The following NKAIN2 variants were observed in gnomAD, a reference collection of about 807,000 sequenced individuals.
NKAIN2 encodes the protein sodium/potassium transporting ATPase interacting 2, also known as sodium/potassium-transporting ATPase subunit beta-1-interacting protein 2.
NKAIN2 carries 14 observed loss-of-function variants against 32.6 expected under a neutral mutation model. The ratio of observed to expected loss-of-function variants is 0.43; its 90% CI spans 0.28 to 0.67. The LOEUF is 0.67. NKAIN2 is among the 30% of genes least tolerant of loss of function. The probability of loss-of-function intolerance (pLI) is 0.17; values close to 1 mark genes in which losing one functional copy is unlikely to be tolerated. For synonymous variants in NKAIN2, 80 were observed against 87.2 expected (o/e 0.92, Z 0.46); for missense variants, 198 against 258.3 (o/e 0.77, Z 1.60).
chr6:124,523,933 TC>T (rs1339694225), intron 3 of NKAIN2, among the ~76,000 whole-genome samples: 1 of 152,222 alleles, frequency 6.6e-6, no homozygotes, highest in African/African-American at 2.4e-5. Flanking sequence ...GATTAGTTTC[TC>T]AGCTTCAGAA....
intron 1 of NKAIN2, among the ~76,000 whole-genome samples, chr6:124,079,664 C>T (rs1783860561): frequency 6.6e-6 from 1 of 152,078 alleles, no homozygotes; most frequent in African/African-American, 2.4e-5. Context: ...AGCTATCCTC[C>T]TTTTTTCCTC....
At chr6:124,379,221 G>GGGAGGAGGGGAGGGGGGGA (rs1562141747) in intron 3 of NKAIN2, among the ~76,000 whole-genome samples, 1 of 2,306 alleles carries the variant, frequency 4.3e-4, no homozygotes, top group Non-Finnish European at 9.3e-4. Flanking sequence ...GGGAAAGGAG[G>GGGAGGAGGGGAGGGGGGGA]GAAGAGGGGA....
intron 1 of NKAIN2, among the ~76,000 whole-genome samples, chr6:124,015,685 T>C (rs936048899): frequency 6.6e-6 from 1 of 152,222 alleles, no homozygotes; most frequent in Non-Finnish European, 1.5e-5. Flanking sequence ...GGGTCATTAG[T>C]ACTTATAACA....
At chr6:124,233,988 C>T (rs1792602722) in intron 1 of NKAIN2, among the ~76,000 whole-genome samples, 1 of 152,166 alleles carries the variant, frequency 6.6e-6, no homozygotes, top group African/African-American at 2.4e-5. Flanking sequence ...CTCGTCTATG[C>T]TGTAGGCTTT....
At chr6:124,368,393 C>T (rs1467295692) in intron 3 of NKAIN2, among the ~76,000 whole-genome samples, 1 of 152,102 alleles carries the variant, frequency 6.6e-6, no homozygotes, top group Non-Finnish European at 1.5e-5. Context: ...GAATGAACTG[C>T]TTTAATTTGT....
chr6:123,822,498 A>G (rs1773967691), intron 1 of NKAIN2, among the ~76,000 whole-genome samples: 1 of 152,186 alleles, frequency 6.6e-6, no homozygotes, highest in African/African-American at 2.4e-5. Context: ...GAATGCTTAG[A>G]CTATCTTAGG....
intron 1 of NKAIN2, among the ~76,000 whole-genome samples, chr6:124,060,825 A>G (rs528942351): frequency 1.3e-5 from 2 of 152,156 alleles, no homozygotes; most frequent in African/African-American, 4.8e-5. Flanking sequence ...ATGCAACACA[A>G]TGTTCTTTCT....
Position 124,605,995 on chromosome 6 carries a change from C to G in NKAIN2, c.274-52191C>G, listed in dbSNP as rs142846143. ...AGTTGACATATTTTCCTCAGTTTAACTCCTTTGGGATATAAAGGCATTTGA... is the reference window on the plus strand; with the variant it reads ...AGTTGACATATTTTCCTCAGTTTAAGTCCTTTGGGATATAAAGGCATTTGA... On this transcript the variant is annotated intron_variant, in intron 3 of 6. Coordinates refer to ENST00000368417, the MANE Select transcript of NKAIN2 (RefSeq NM_001040214.3). Among the ~76,000 whole-genome samples the G allele has an allele frequency of 3.5e-3, 537 of 152,146 alleles. 5 individuals are homozygous for G. The highest frequency in any genetic ancestry group is 0.012 in the African/African-American group (516 of 41,538).
intron 3 of NKAIN2, among the ~76,000 whole-genome samples, chr6:124,382,439 A>T (rs1365098489): frequency 1.3e-5 from 2 of 152,190 alleles, no homozygotes; most frequent in African/African-American, 4.8e-5. Flanking sequence ...ATTCTGGTAG[A>T]GTTCTGTGTA....
intron 3 of NKAIN2, among the ~76,000 whole-genome samples, chr6:124,618,041 C>T (rs556271212): frequency 4.6e-5 from 7 of 152,206 alleles, no homozygotes; most frequent in Admixed American, 1.3e-4. Context: ...CAAAAATAAA[C>T]GCTCTGTTTA....
At chr6:124,658,112 A>G in intron 3 of NKAIN2, 74 bp from the exon 4 acceptor site, 5 of 1,215,708 alleles carry the variant, frequency 4.1e-6, no homozygotes, top group Non-Finnish European at 5.8e-6. Context: ...GGGAAAGTCA[A>G]AGCAAGTCAG....
intron 4 of NKAIN2, among the ~76,000 whole-genome samples, chr6:124,749,336 T>C (rs1485075443): frequency 1.3e-5 from 2 of 151,968 alleles, no homozygotes; most frequent in African/African-American, 2.4e-5. Context: ...TCTCAAGATC[T>C]GTAACCTTTT....
chr6:124,583,798 T>C (rs1368862372), intron 3 of NKAIN2, among the ~76,000 whole-genome samples: 2 of 152,126 alleles, frequency 1.3e-5, no homozygotes, highest in African/African-American at 2.4e-5. Context: ...AACAGACACA[T>C]AGACCAATGG....
intron 4 of NKAIN2, among the ~76,000 whole-genome samples, chr6:124,729,104 T>C (rs1455607584): frequency 1.3e-5 from 2 of 152,192 alleles, no homozygotes; most frequent in African/African-American, 2.4e-5. Flanking sequence ...ACCAGATGTA[T>C]TCACAGCTGA....
At chr6:124,670,435 G>T (rs1773041005) in intron 4 of NKAIN2, among the ~76,000 whole-genome samples, 1 of 151,934 alleles carries the variant, frequency 6.6e-6, no homozygotes, top group Non-Finnish European at 1.5e-5. Flanking sequence ...ATTTGATTTT[G>T]TATAGCATTA....
chr6:124,419,973 A>T (rs1562172752), intron 3 of NKAIN2, among the ~76,000 whole-genome samples: 1 of 152,046 alleles, frequency 6.6e-6, no homozygotes, highest in African/African-American at 2.4e-5. Flanking sequence ...CTGGAATATG[A>T]TCATTTGAAT....
intron 1 of NKAIN2, among the ~76,000 whole-genome samples, chr6:124,191,494 T>A (rs1790019488): frequency 6.6e-6 from 1 of 152,184 alleles, no homozygotes; most frequent in African/African-American, 2.4e-5. Flanking sequence ...TTATTAATTC[T>A]ATTTGTTATC....
At chr6:123,924,670 C>T (rs1442674624) in intron 1 of NKAIN2, among the ~76,000 whole-genome samples, 2 of 152,028 alleles carry the variant, frequency 1.3e-5, no homozygotes, top group Non-Finnish European at 2.9e-5. Context: ...TTCTGTGGCT[C>T]CATTTCTTCA....
intron 3 of NKAIN2, among the ~76,000 whole-genome samples, chr6:124,576,229 C>A (rs1781329257): frequency 6.6e-6 from 1 of 152,148 alleles, no homozygotes; most frequent in Non-Finnish European, 1.5e-5. Flanking sequence ...GTAAAGAAAA[C>A]ATTTGTGTGA....
Sources: allele counts gnomAD v4.1 joint callset (sites outside exome capture counted in the v4.1 genomes callset), GRCh38; gene constraint gnomAD v4.1.1; transcripts MANE v1.5; gene names NCBI Gene and HGNC (gene_info 2026-07-23, HGNC 2026-07-21).